The following DISC1 variants were observed in gnomAD, a reference collection of about 807,000 sequenced individuals.
DISC1 encodes the protein disrupted in schizophrenia 1 protein.
A neutral mutation model predicts 84.5 loss-of-function variants in DISC1; 57 were observed. That is an observed-to-expected ratio of 0.67 (90% confidence interval 0.55 to 0.84). DISC1 has a LOEUF of 0.84. Among genes scored for constraint, DISC1 ranks in the 40% least tolerant of loss-of-function variants. DISC1 has a pLI of 0.00. For synonymous variants in DISC1, 411 were observed against 415.2 expected (o/e 0.99, Z 0.12); for missense variants, 1,000 against 1,057.8 (o/e 0.95, Z 0.76).
At chr1:232,025,057 T>C (rs1269412615) in intron 11 of DISC1, among the ~76,000 whole-genome samples, 1 of 152,216 alleles carries the variant, frequency 6.6e-6, no homozygotes, top group East Asian at 1.9e-4. Context: ...ATTGTTTTCC[T>C]TTACAAGTCT....
At position 231,694,094 on chromosome 1, in the gene DISC1, A is replaced by G; in HGVS notation, c.336A>G (p.Arg112=). 1 of 1,614,198 alleles carries G rather than the reference A, an allele frequency of 6.2e-7. No homozygotes were observed. Among genetic ancestry groups the G allele is most frequent in the Non-Finnish European group, 8.5e-7 (1 of 1,180,028 alleles). Residue 112 remains arginine, a synonymous_variant, in exon 2 of 13, where the codon AGA becomes AGG. Transcript: ENST00000439617. ...SAAAPTVTSV[R]GTSAHFGIQL... is the part of the protein sequence containing the mutation. ...CAGCCCCTACTGTGACCTCTGTGAG[A>G]GGAACCTCGGCGCACTTTGGGATTC...
intron 4 of DISC1, among the ~76,000 whole-genome samples, chr1:231,765,381 A>G (rs764729428): frequency 9.9e-5 from 15 of 152,082 alleles, no homozygotes; most frequent in Admixed American, 7.9e-4. Flanking sequence ...GCTCAGCTGT[A>G]TTCCATCTTT....
Position 231,855,489 on chromosome 1 carries a change from A to G in DISC1, c.1981+36972A>G, listed in dbSNP as rs73093429. 2.1e-3 allele frequency: 1,934 copies of G among 919,464 alleles called. 35 individuals are homozygous for G. The African/African-American group carries it at 0.032, about 15-fold the overall frequency. 57.0% of individuals were successfully genotyped at this position (919,464 alleles called of 1,614,324 possible). ...ACACAAATAACAATCCTCCTTCCCA[A>G]ACTTGAAATCCCACTTCTCTTTTTG... On this transcript the variant is annotated intron_variant, in intron 9 of 12. Coordinates refer to ENST00000439617, the MANE Select transcript of DISC1 (RefSeq NM_018662.3).
chr1:232,017,771 A>G (rs1207653653), intron 11 of DISC1, among the ~76,000 whole-genome samples: 1 of 152,182 alleles, frequency 6.6e-6, no homozygotes, highest in Non-Finnish European at 1.5e-5. Flanking sequence ...ACAATGTCTG[A>G]AAGAGAGACC....
chr1:231,825,627 A>G (rs1213212225), intron 9 of DISC1, among the ~76,000 whole-genome samples: 3 of 152,084 alleles, frequency 2.0e-5, no homozygotes, highest in African/African-American at 4.8e-5. Flanking sequence ...ATTGCAGAAC[A>G]TTTCACATCC....
rs1670075295 is a variant in DISC1 at position 232,031,732 on chromosome 1, G to A, written c.2426-4960G>A. ...TGTCCTGCTGCTGGCTGAGCACGAG[G>A]TGGGCTTGGCACAAGGTAGGCAACA... On this transcript the variant is annotated intron_variant, in intron 12 of 12. Transcript: ENST00000439617. This position sits in a 1 kb window ranked among gnomAD's most constrained non-coding sequence, Gnocchi z 4.6. Among the ~76,000 whole-genome samples the A allele has an allele frequency of 6.6e-6, 1 of 152,178 alleles. No individual in the cohort carries two copies. Among genetic ancestry groups the A allele is most frequent in the African/African-American group, 2.4e-5 (1 of 41,450 alleles).
intron 12 of DISC1, among the ~76,000 whole-genome samples, chr1:232,030,935 A>C (rs1669957131): frequency 1.3e-5 from 2 of 152,150 alleles, no homozygotes. Context: ...CAACATGGCA[A>C]AACCCTGTCT....
chr1:231,927,007 AC>A (rs2090393125), intron 9 of DISC1, among the ~76,000 whole-genome samples: 1 of 152,200 alleles, frequency 6.6e-6, no homozygotes, highest in Non-Finnish European at 1.5e-5. Context: ...CTTTCTAGGT[AC>A]CGTGGCTTTC....
chr1:231,817,806 A>G (rs761940135), intron 8 of DISC1, among the ~76,000 whole-genome samples: 1 of 152,164 alleles, frequency 6.6e-6, no homozygotes, highest in Non-Finnish European at 1.5e-5. Flanking sequence ...TTATTCTTGT[A>G]ACTACCTATG....
In DISC1 at chr1:231,801,177, G is replaced by A. The variant is rs77321345; in HGVS notation, c.1792+967G>A. 1.0e-3 allele frequency among the ~76,000 whole-genome samples: 158 copies of A among 152,194 alleles called. 1 individual carries two copies. The highest frequency in any genetic ancestry group is 3.3e-3 in the African/African-American group (138 of 41,518). ...AATTTGGTCCCTGGTGCAGTCACGC[G>A]TATTATTTACAACCAGTAGAACATG... On this transcript the variant is annotated intron_variant, in intron 8 of 12. Transcript: ENST00000439617.
Position 231,958,889 on chromosome 1 carries a change from G to T in DISC1, c.2042+1G>T, listed in dbSNP as rs1248569736. 1.2e-6 allele frequency: 2 copies of T among 1,612,328 alleles called. No individual in the cohort carries two copies. Among genetic ancestry groups the T allele is most frequent in the Admixed American group, 1.7e-5 (1 of 59,760 alleles). On this transcript the variant is annotated splice_donor_variant, in intron 10 of 12. Transcript: ENST00000439617. LOFTEE classifies it high-confidence loss of function. ...AAACACTTAAGAATAAACTGTGCAG[G>T]TAAGGATAATAATTTCTGTATTTCA...
At chr1:231,928,096 C>A (rs933009312) in intron 9 of DISC1, among the ~76,000 whole-genome samples, 2 of 152,152 alleles carry the variant, frequency 1.3e-5, no homozygotes, top group Non-Finnish European at 2.9e-5. Context: ...CCCTAACATC[C>A]CATTCTGGTG....
At chr1:232,022,355 C>T (rs1443893940) in intron 11 of DISC1, among the ~76,000 whole-genome samples, 2 of 150,998 alleles carry the variant, frequency 1.3e-5, no homozygotes, top group African/African-American at 4.9e-5. Context: ...GTTGCCAGGC[C>T]GGAGTGCAGT....
intron 4 of DISC1, among the ~76,000 whole-genome samples, chr1:231,761,506 A>G (rs77274573): frequency 0.013 from 2,029 of 152,250 alleles, 100 homozygotes; most frequent in Admixed American, 0.089. Flanking sequence ...GAGTAAGAAT[A>G]TGAGAGACAG....
intron 12 of DISC1, among the ~76,000 whole-genome samples, chr1:232,029,755 A>C (rs981532005): frequency 3.3e-5 from 5 of 152,242 alleles, no homozygotes; most frequent in Non-Finnish European, 4.4e-5. Context: ...CTTTGTGTGG[A>C]AAACACTCAG....
intron 9 of DISC1, 38 bp from the exon 10 acceptor site, chr1:231,958,790 C>T (rs1156597558): frequency 1.9e-6 from 3 of 1,582,696 alleles, no homozygotes; most frequent in South Asian, 1.1e-5. Context: ...ATTGTGACTG[C>T]AGTTGCATTA....
intron 3 of DISC1, among the ~76,000 whole-genome samples, chr1:231,715,214 G>A (rs2068526461): frequency 6.6e-6 from 1 of 152,142 alleles, no homozygotes; most frequent in African/African-American, 2.4e-5. Context: ...AGGAGAAGAT[G>A]GGGGAACTGG....
intron 11 of DISC1, among the ~76,000 whole-genome samples, chr1:232,025,557 G>A (rs1307254496): frequency 6.6e-6 from 1 of 151,974 alleles, no homozygotes; most frequent in Non-Finnish European, 1.5e-5. Flanking sequence ...CTATGCCAGG[G>A]GCTCTAGGGA....
At chr1:231,774,785 A>G in intron 6 of DISC1, 1 of 456,002 alleles carries the variant, frequency 2.2e-6, no homozygotes, top group Non-Finnish European at 4.4e-6. Flanking sequence ...AAGCATTTGA[A>G]AGAAACCAGT....
Sources: gnomAD v4.1 joint callset for allele counts (sites outside exome capture counted in the v4.1 genomes callset) on GRCh38, gnomAD v4.1.1 for gene constraint, Gnocchi (gnomAD v3.1) non-coding constraint, MANE v1.5 for transcripts, NCBI Gene and HGNC (gene_info 2026-07-23, HGNC 2026-07-21) for gene names.